The following DDA1 variants were observed in gnomAD, a reference collection of about 807,000 sequenced individuals.
The protein encoded by DDA1 is DET1 and DDB1 associated 1, also known as DET1- and DDB1-associated protein 1.
In DDA1, 3 loss-of-function variants were observed where a neutral mutation model predicts 18.6. The observed-to-expected ratio is 0.16, with a 90% CI of 0.07 to 0.42. DDA1 has a LOEUF of 0.42. Ranked by LOEUF, DDA1 falls within the 10% of genes least tolerant of loss-of-function variation. The pLI is 0.99. For missense variants in DDA1, 105 were observed against 138.2 expected, an observed-to-expected ratio of 0.76 and a Z score of 1.20; for synonymous variants, 52 against 54.0, an observed-to-expected ratio of 0.96 and a Z score of 0.17.
In DDA1 at chr19:17,314,326, A is replaced by C. The variant is rs976428510; in HGVS notation, c.85-12A>C. ...CACTCTCCTAACCCACCCCTTCTCA[A>C]CCCTCCTGCAGAACCGACGGCCCTC... On this transcript the variant is annotated splice_polypyrimidine_tract_variant and intron_variant, in intron 2 of 4. Transcript: ENST00000359866. This position sits in a 1 kb window ranked among gnomAD's most constrained non-coding sequence, Gnocchi z 4.6. 1.2e-5 allele frequency: 19 copies of C among 1,613,968 alleles called. No individual in the cohort carries two copies. The highest frequency in any genetic ancestry group is 1.6e-5 in the Non-Finnish European group (19 of 1,179,970).
chr19:17,317,203 C>A (rs555619473), intron 4 of DDA1, among the ~76,000 whole-genome samples: 1 of 151,862 alleles, frequency 6.6e-6, no homozygotes, highest in South Asian at 2.1e-4. Flanking sequence ...GCAGCCTGGG[C>A]GGTCTCAAGA....
At chr19:17,310,248 C>G (rs942922108) in intron 1 of DDA1, 3 of 152,612 alleles carry the variant, frequency 2.0e-5, no homozygotes, top group African/African-American at 7.2e-5. Context: ...GTCTGAACCT[C>G]TTAGGGTGGT....
At chr19:17,316,416 C>T (rs1285851156) in intron 4 of DDA1, among the ~76,000 whole-genome samples, 1 of 151,744 alleles carries the variant, frequency 6.6e-6, no homozygotes, top group African/African-American at 2.4e-5. Flanking sequence ...CCCGTCTCTA[C>T]TAAAAATACA....
rs1335759961 is a variant in DDA1 at position 17,309,583 on chromosome 19, CTAAGAAGGCGGCTCTGGTGGCGGCGGT to C, written c.-71_-45del. 13 of 1,528,598 alleles carry C rather than the reference CTAAGAAGGCGGCTCTGGTGGCGGCGGT, an allele frequency of 8.5e-6. No homozygotes were observed. Among genetic ancestry groups the C allele is most frequent in the Non-Finnish European group, 1.2e-5 (13 of 1,105,164 alleles). 94.7% of individuals were successfully genotyped at this position (1,528,598 alleles called of 1,614,324 possible). A position where few individuals can be genotyped will look rare whatever the true frequency, so the allele number is the denominator to read the frequency against. The stretch of plus-strand genomic sequence containing the variant: ...GCTGGAAGTTACTGTGAGGCGGCGG[CTAAGAAGGCGGCTCTGGTGGCGGCGGT>C]GGAGGCTGAGGCGGCGGCCGAGGCG... On this transcript the variant is annotated 5_prime_UTR_variant, in exon 1 of 5. Coordinates refer to ENST00000359866, the MANE Select transcript of DDA1 (RefSeq NM_024050.6).
Position 17,314,532 on chromosome 19 carries a change from G to A in DDA1, c.136+143G>A. 1 of 1,141,888 alleles carries A rather than the reference G, an allele frequency of 8.8e-7. No homozygotes were observed. The highest frequency in any genetic ancestry group is 1.3e-6 in the Non-Finnish European group (1 of 792,724). The allele number at this position is 1,141,888 out of a possible 1,614,324, so 70.7% of individuals were successfully genotyped here. On this transcript the variant is annotated intron_variant, in intron 3 of 4. Transcript: ENST00000359866. This position sits in a 1 kb window ranked among gnomAD's most constrained non-coding sequence, Gnocchi z 4.6. ...GTTCACACGCTGTCTACTGAATCCA[G>A]TTAAGTCAGGGAGGGCCTCCAGGGA...
chr19:17,311,316 C>T (rs1236794226), intron 1 of DDA1, among the ~76,000 whole-genome samples: 1 of 151,894 alleles, frequency 6.6e-6, no homozygotes, highest in East Asian at 1.9e-4. Context: ...ACCACCATGC[C>T]CGGCTAATTT....
At position 17,315,789 on chromosome 19, in the gene DDA1, C is replaced by T. The variant is rs916737323; in HGVS notation, c.137-145C>T. ...GCCTCTGGGAGTAGCTGCGAGTGTG[C>T]TCAGAAGCAAAAACATGGGACTTTT... is the stretch of plus-strand genomic sequence containing the variant. On this transcript the variant is annotated intron_variant, in intron 3 of 4. Coordinates refer to ENST00000359866, the MANE Select transcript of DDA1 (RefSeq NM_024050.6). 3.8e-6 allele frequency: 3 copies of T among 797,160 alleles called. No individual in the cohort carries two copies. The Admixed American group carries it at 5.9e-5, about 16-fold the overall frequency. 49.4% of individuals were successfully genotyped at this position (797,160 alleles called of 1,614,324 possible).
intron 4 of DDA1, among the ~76,000 whole-genome samples, chr19:17,316,886 CAAAA>C (rs756872191): frequency 1.3e-5 from 2 of 149,858 alleles, no homozygotes; most frequent in African/African-American, 2.5e-5. Context: ...TCAAAAAAAA[CAAAA>C]AAAACAAAAA....
rs1406257674 is a variant in DDA1 at position 17,321,754 on chromosome 19, C to G, written c.*2098C>G. 6.6e-6 allele frequency: 1 copy of G among 152,338 alleles called. No homozygotes were observed. Among genetic ancestry groups the G allele is most frequent in the African/African-American group, 2.4e-5 (1 of 41,456 alleles). 9.4% of individuals were successfully genotyped at this position (152,338 alleles called of 1,614,324 possible). On this transcript the variant is annotated 3_prime_UTR_variant, in exon 5 of 5. Transcript: ENST00000359866. ...GGACGGAGAGTGCCAGGGTGGGCTCCCGTCCTACACAAGGAGTGGCTGACC... is the reference window on the plus strand; with the variant it reads ...GGACGGAGAGTGCCAGGGTGGGCTCGCGTCCTACACAAGGAGTGGCTGACC...
At position 17,314,900 on chromosome 19, in the gene DDA1, C is replaced by T. The variant is rs2074195346; in HGVS notation, c.136+511C>T. 6.6e-6 allele frequency among the ~76,000 whole-genome samples: 1 copy of T among 151,948 alleles called. No individual in the cohort carries two copies. Among genetic ancestry groups the T allele is most frequent in the Admixed American group, 6.6e-5 (1 of 15,252 alleles). On this transcript the variant is annotated intron_variant, in intron 3 of 4. Transcript: ENST00000359866. This position sits in a 1 kb window ranked among gnomAD's most constrained non-coding sequence, Gnocchi z 4.6. ...AAGGGGGTCCAGGCAAAGGGGCCCA[C>T]AGCACAGGAGGACTTGGTCTTGCTG...
chr19:17,319,429 A>G (rs2074228791), intron 4 of DDA1, 117 bp from the exon 5 acceptor site: 7 of 738,650 alleles, frequency 9.5e-6, no homozygotes. Flanking sequence ...GCGTGGTGGT[A>G]TGTGCCTGTA....
rs1266313944 is a variant in DDA1 at position 17,320,374 on chromosome 19, T to A, written c.*718T>A. The A allele has an allele frequency of 6.6e-6, 1 of 151,108 alleles. No individual in the cohort carries two copies. The highest frequency in any genetic ancestry group is 2.4e-5 in the African/African-American group (1 of 41,022). The allele number at this position is 151,108 out of a possible 1,614,324, so 9.4% of individuals were successfully genotyped here. A position where few individuals can be genotyped will look rare whatever the true frequency, so the allele number is the denominator to read the frequency against. On this transcript the variant is annotated 3_prime_UTR_variant, in exon 5 of 5. Coordinates refer to ENST00000359866, the MANE Select transcript of DDA1 (RefSeq NM_024050.6). ...TCATCCCTGTTGTCACCAAGAGGAG[T>A]GAGAAGGGCCCCCCACGCCAGGGGC...
At position 17,312,573 on chromosome 19, in the gene DDA1, C is replaced by G. The variant is rs569294815; in HGVS notation, c.4-1450C>G. ...CCTCCTCACCCTTCAGGTCTCAGTG[C>G]CTGCATCCCTGCGTCTGGGCAGCCC... On this transcript the variant is annotated intron_variant, in intron 1 of 4. Coordinates refer to ENST00000359866, the MANE Select transcript of DDA1 (RefSeq NM_024050.6). 5.9e-5 allele frequency among the ~76,000 whole-genome samples: 9 copies of G among 152,230 alleles called. No individual in the cohort carries two copies. The South Asian group carries it at 1.4e-3, about 25-fold the overall frequency.
chr19:17,309,723 C>T (rs199961906), intron 1 of DDA1, 66 bp downstream of exon 1: 2 of 1,583,140 alleles, frequency 1.3e-6, no homozygotes, highest in African/African-American at 1.3e-5. Context: ...GTCCCACCCA[C>T]CTCTAGTATC....
intron 4 of DDA1, among the ~76,000 whole-genome samples, chr19:17,318,887 G>A (rs997717226): frequency 2.0e-5 from 3 of 151,576 alleles, no homozygotes; most frequent in Non-Finnish European, 2.9e-5. Flanking sequence ...CCTACCCTGC[G>A]CAAAGTTGGA....
intron 1 of DDA1, chr19:17,310,291 C>T (rs2074173174): frequency 6.6e-6 from 1 of 152,376 alleles, no homozygotes; most frequent in Non-Finnish European, 1.5e-5. Context: ...GTAAAGGACT[C>T]AGGATAGTGA....
At chr19:17,317,668 T>TAAAAA (rs34303101) in intron 4 of DDA1, among the ~76,000 whole-genome samples, 12 of 97,728 alleles carry the variant, frequency 1.2e-4, no homozygotes, top group African/African-American at 1.5e-4. Flanking sequence ...ACTCCATCAC[T>TAAAAA]AAAAAAAAAA....
At chr19:17,319,496 G>A in intron 4 of DDA1, 50 bp from the exon 5 acceptor site, 1 of 1,497,308 alleles carries the variant, frequency 6.7e-7, no homozygotes, top group Non-Finnish European at 9.1e-7. Context: ...GAAGGTTGAG[G>A]CTGTCCGAAA....
intron 4 of DDA1, among the ~76,000 whole-genome samples, chr19:17,317,008 C>T (rs1265890415): frequency 1.3e-5 from 2 of 152,090 alleles, no homozygotes; most frequent in East Asian, 3.9e-4. Flanking sequence ...AGGCGGATCA[C>T]GAGGTCAGAA....
Sources: allele counts gnomAD v4.1 joint callset (sites outside exome capture counted in the v4.1 genomes callset), GRCh38; gene constraint gnomAD v4.1.1; non-coding constraint Gnocchi (gnomAD v3.1); transcripts MANE v1.5; gene names NCBI Gene and HGNC (gene_info 2026-07-23, HGNC 2026-07-21).